Variants in TMEM135 observed in about 807,000 individuals in gnomAD.
TMEM135 encodes the protein peroxisomal membrane protein 52.
In TMEM135, 30 loss-of-function variants were observed where a neutral mutation model predicts 60.3. The observed-to-expected ratio is 0.50, with a 90% CI of 0.37 to 0.68. The LOEUF (loss-of-function observed/expected upper bound fraction) is 0.68, where lower values mean the gene tolerates loss of function less well. Among genes scored for constraint, TMEM135 ranks in the 30% least tolerant of loss-of-function variants. TMEM135 has a pLI of 0.00. For missense variants in TMEM135, 468 were observed against 548.8 expected (o/e 0.85, Z 1.47); for synonymous variants, 190 against 186.7 (o/e 1.02, Z -0.14).
At chr11:87,168,775 T>G (rs1227741130) in intron 5 of TMEM135, among the ~76,000 whole-genome samples, 1 of 152,212 alleles carries the variant, frequency 6.6e-6, no homozygotes, top group Non-Finnish European at 1.5e-5. Context: ...GAAGAATGTA[T>G]GTTCTGTTGA....
intron 6 of TMEM135, among the ~76,000 whole-genome samples, chr11:87,294,448 A>G (rs931745684): frequency 2.0e-5 from 3 of 152,164 alleles, no homozygotes; most frequent in Admixed American, 2.0e-4. Flanking sequence ...CAATGGCGCA[A>G]TCTTGGCTCA....
chr11:87,197,341 A>C lies in TMEM135; in HGVS notation c.463-39297A>C, dbSNP rs117450504. 8.7e-3 allele frequency among the ~76,000 whole-genome samples: 1,319 copies of C among 152,246 alleles called. 12 individuals are homozygous for C. The highest frequency in any genetic ancestry group is 0.014 in the Non-Finnish European group (955 of 67,936). ...TTCGGCATAAAGGGTAAAACGTATC[A>C]GACTCTCATACAGAGTTATGAAGTA... is the stretch of plus-strand genomic sequence containing the variant. On this transcript the variant is annotated intron_variant, in intron 5 of 14. Coordinates refer to ENST00000305494, the MANE Select transcript of TMEM135 (RefSeq NM_022918.4).
intron 5 of TMEM135, among the ~76,000 whole-genome samples, chr11:87,179,626 A>AT (rs772753239): frequency 2.0e-5 from 3 of 151,458 alleles, no homozygotes; most frequent in Non-Finnish European, 4.4e-5. Flanking sequence ...TTTTTTTTTA[A>AT]TTTTTTGCCT....
intron 6 of TMEM135, among the ~76,000 whole-genome samples, chr11:87,258,317 C>T (rs201717841): frequency 6.6e-6 from 1 of 152,032 alleles, no homozygotes; most frequent in Non-Finnish European, 1.5e-5. Context: ...TGAGCTCCTG[C>T]TCTGTCTTCC....
intron 6 of TMEM135, among the ~76,000 whole-genome samples, chr11:87,280,797 C>T (rs72959822): frequency 0.025 from 3,771 of 152,270 alleles, 70 homozygotes; most frequent in Non-Finnish European, 0.036. Flanking sequence ...TTATGAAATA[C>T]TTAACTGTGT....
At chr11:87,231,457 C>T (rs1287112349) in intron 5 of TMEM135, among the ~76,000 whole-genome samples, 1 of 152,172 alleles carries the variant, frequency 6.6e-6, no homozygotes, top group Admixed American at 6.5e-5. Context: ...CCCTGGATTT[C>T]ATTTCTTGTT....
In TMEM135 at chr11:87,117,312, C is replaced by T. The variant is rs146304188; in HGVS notation, c.396+25917C>T. Among the ~76,000 whole-genome samples, 737 of 152,246 alleles carry T rather than the reference C, an allele frequency of 4.8e-3. 2 individuals carry two copies. The highest frequency in any genetic ancestry group is 7.3e-3 in the Non-Finnish European group (498 of 68,012). On this transcript the variant is annotated intron_variant, in intron 4 of 14. Coordinates refer to ENST00000305494, the MANE Select transcript of TMEM135 (RefSeq NM_022918.4). The stretch of plus-strand genomic sequence containing the variant: ...GTGCCAATTTTTTAATATAAGACAA[C>T]AATGAAATTTGCCATATTGATTGAC...
rs1048323215 is a variant in TMEM135, at chr11:87,242,097, C to T, written c.509+5413C>T. On this transcript the variant is annotated intron_variant, in intron 6 of 14. Transcript: ENST00000305494. ...GTTCCCACCTATGAGTGAGAACATG[C>T]GGTGTTTGGTTTTTTGTCCTTGCGA... is the stretch of plus-strand genomic sequence containing the variant. Among the ~76,000 whole-genome samples, 14 of 150,532 alleles carry T rather than the reference C, an allele frequency of 9.3e-5. No homozygotes were observed. The East Asian group carries it at 1.8e-3, about 19-fold the overall frequency.
intron 1 of TMEM135, among the ~76,000 whole-genome samples, chr11:87,049,886 C>T (rs1210377161): frequency 8.9e-6 from 1 of 112,640 alleles, no homozygotes; most frequent in African/African-American, 3.8e-5. Context: ...CCACACCACA[C>T]CTATTCCAAA....
At chr11:87,166,902 G>A (rs911210745) in intron 5 of TMEM135, among the ~76,000 whole-genome samples, 1 of 152,036 alleles carries the variant, frequency 6.6e-6, no homozygotes, top group Non-Finnish European at 1.5e-5. Context: ...GGGCAATATG[G>A]CCATTTTCAC....
At chr11:87,295,862 A>G in intron 7 of TMEM135, 39 bp downstream of exon 7, 1 of 1,512,546 alleles carries the variant, frequency 6.6e-7, no homozygotes, top group Non-Finnish European at 9.2e-7. Context: ...GAGAATTTAC[A>G]AGTTAACTTA....
Position 87,289,437 on chromosome 11 carries a change from C to CTTTT in TMEM135, c.510-6319_510-6316dup, listed in dbSNP as rs376999371. On this transcript the variant is annotated intron_variant, in intron 6 of 14. Coordinates refer to ENST00000305494, the MANE Select transcript of TMEM135 (RefSeq NM_022918.4). ...TATCCTTTAACAAATATCTCCATATCTTTTTTTTTTTTTTTTTTTTTTTTT... is the reference window on the plus strand; with the variant it reads ...TATCCTTTAACAAATATCTCCATATCTTTTTTTTTTTTTTTTTTTTTTTTTTTTT... Among the ~76,000 whole-genome samples the CTTTT allele has an allele frequency of 1.6e-3, 136 of 87,552 alleles. 7 individuals are homozygous for CTTTT. Among genetic ancestry groups the CTTTT allele is most frequent in the East Asian group, 8.4e-3 (15 of 1,778 alleles). The allele number at this position is 87,552 out of a possible 152,430, so 57.4% of individuals were successfully genotyped here.
rs551878585 is a variant in TMEM135, at chr11:87,191,844, G to A, written c.462+34438G>A. 1.6e-4 allele frequency among the ~76,000 whole-genome samples: 24 copies of A among 152,114 alleles called. No homozygotes were observed. The South Asian group carries it at 5.0e-3, about 32-fold the overall frequency. ...GTTTTCCTTATTATCTATGTTTTTG[G>A]AATAATTTTAAAGTAGCATTGGGAG... On this transcript the variant is annotated intron_variant, in intron 5 of 14. Coordinates refer to ENST00000305494, the MANE Select transcript of TMEM135 (RefSeq NM_022918.4).
At chr11:87,230,029 G>A (rs1416813900) in intron 5 of TMEM135, among the ~76,000 whole-genome samples, 1 of 151,902 alleles carries the variant, frequency 6.6e-6, no homozygotes, top group Non-Finnish European at 1.5e-5. Flanking sequence ...ATCCAACCCT[G>A]CAATCTAATT....
chr11:87,318,010 A>T, intron 12 of TMEM135, 127 bp from the exon 13 acceptor site: 2 of 725,836 alleles, frequency 2.8e-6, no homozygotes, highest in South Asian at 3.1e-5. Flanking sequence ...GAAAAATGTG[A>T]CATCGTTTGA....
At chr11:87,318,804 A>G (rs887288896) in intron 13 of TMEM135, among the ~76,000 whole-genome samples, 2 of 151,998 alleles carry the variant, frequency 1.3e-5, no homozygotes, top group Non-Finnish European at 2.9e-5. Context: ...TGAAGTATCA[A>G]TATCTCAGTA....
chr11:87,249,658 G>T (rs956677169), intron 6 of TMEM135, among the ~76,000 whole-genome samples: 3 of 152,084 alleles, frequency 2.0e-5, no homozygotes, highest in Admixed American at 6.6e-5. Flanking sequence ...GTATCCCTGG[G>T]ATAAATCCCA....
chr11:87,227,074 A>C (rs1414411956), intron 5 of TMEM135, among the ~76,000 whole-genome samples: 3 of 152,050 alleles, frequency 2.0e-5, no homozygotes, highest in South Asian at 2.1e-4. Context: ...AAAACAAAAA[A>C]ACACAATGGC....
chr11:87,239,462 C>G (rs1207538512), intron 6 of TMEM135, among the ~76,000 whole-genome samples: 1 of 151,900 alleles, frequency 6.6e-6, no homozygotes, highest in Admixed American at 6.6e-5. Flanking sequence ...TTGGCAGGTC[C>G]AATTGCATTT....
Sources: gnomAD v4.1 joint callset for allele counts (sites outside exome capture counted in the v4.1 genomes callset) on GRCh38, gnomAD v4.1.1 for gene constraint, MANE v1.5 for transcripts, NCBI Gene and HGNC (gene_info 2026-07-23, HGNC 2026-07-21) for gene names.